Variants in RGS7 observed in about 807,000 individuals in gnomAD.
The protein encoded by RGS7 is regulator of G-protein signaling 7.
In RGS7, 27 loss-of-function variants were observed where a neutral mutation model predicts 81.1. The ratio of observed to expected loss-of-function variants is 0.33; its 90% CI spans 0.25 to 0.46. RGS7 has a LOEUF of 0.46. Ranked by LOEUF, RGS7 falls within the 20% of genes least tolerant of loss-of-function variation. The probability of loss-of-function intolerance (pLI) is 1.00; values close to 1 mark genes in which losing one functional copy is unlikely to be tolerated. For synonymous variants in RGS7, 208 were observed against 207.7 expected, an observed-to-expected ratio of 1.00 and a Z score of -0.01; for missense variants, 396 against 607.4, an observed-to-expected ratio of 0.65 and a Z score of 3.66.
At chr1:241,115,791 T>C (rs138621811) in intron 2 of RGS7, among the ~76,000 whole-genome samples, 2 of 152,262 alleles carry the variant, frequency 1.3e-5, no homozygotes, top group African/African-American at 4.8e-5. Context: ...ACTGAGTAAG[T>C]AGTCATATGA....
chr1:241,343,382 T>C lies in RGS7; in HGVS notation c.78+12317A>G, dbSNP rs1476518410. Among the ~76,000 whole-genome samples the C allele has an allele frequency of 2.6e-5, 4 of 152,352 alleles. No individual in the cohort carries two copies. The East Asian group carries it at 7.7e-4, about 29-fold the overall frequency. ...CAGATATTTGTATATCCATGTTCAC[T>C]GCACTATTATATACAATAGTCAAAG... is the stretch of plus-strand genomic sequence containing the variant. On this transcript the variant is annotated intron_variant, in intron 2 of 18. Transcript: ENST00000440928.
intron 16 of RGS7, among the ~76,000 whole-genome samples, chr1:240,802,541 A>C (rs908619074): frequency 6.6e-6 from 1 of 152,146 alleles, no homozygotes; most frequent in African/African-American, 2.4e-5. Flanking sequence ...TAGCTTACTA[A>C]ACAAAGAAAC....
At chr1:241,013,086 G>A (rs778600718) in intron 3 of RGS7, among the ~76,000 whole-genome samples, 10 of 132,844 alleles carry the variant, frequency 7.5e-5, no homozygotes, top group African/African-American at 2.7e-4. Context: ...TTTGTGAAAC[G>A]GAGTCCCACT....
intron 2 of RGS7, among the ~76,000 whole-genome samples, chr1:241,248,072 T>A (rs549212985): frequency 5.6e-4 from 85 of 152,288 alleles, no homozygotes; most frequent in Non-Finnish European, 1.1e-3. Flanking sequence ...TCCCTTTCTG[T>A]CACTTTTTGC....
chr1:241,328,584 T>C (rs1465166383), intron 2 of RGS7, among the ~76,000 whole-genome samples: 1 of 152,250 alleles, frequency 6.6e-6, no homozygotes. Context: ...TTTCACCTTC[T>C]GCCTGCTCAC....
At chr1:240,885,048 T>C (rs900778893) in intron 6 of RGS7, among the ~76,000 whole-genome samples, 1 of 152,086 alleles carries the variant, frequency 6.6e-6, no homozygotes, top group African/African-American at 2.4e-5. Context: ...GAACTTAAAT[T>C]TACAAGAGCA....
chr1:241,112,011 G>A (rs2065545637), intron 2 of RGS7, among the ~76,000 whole-genome samples: 2 of 152,064 alleles, frequency 1.3e-5, no homozygotes, highest in Non-Finnish European at 2.9e-5. Flanking sequence ...AAACACATAG[G>A]AGAGAAGTTT....
At chr1:240,947,922 G>C (rs1325218850) in intron 4 of RGS7, among the ~76,000 whole-genome samples, 1 of 152,018 alleles carries the variant, frequency 6.6e-6, no homozygotes, top group South Asian at 2.1e-4. Flanking sequence ...AGACCTCCTT[G>C]TTGCTCCTCA....
intron 2 of RGS7, among the ~76,000 whole-genome samples, chr1:241,333,127 A>G (rs1393145372): frequency 6.6e-6 from 1 of 152,236 alleles, no homozygotes; most frequent in African/African-American, 2.4e-5. Flanking sequence ...AGACTTCAAA[A>G]GCAGATCAAT....
At chr1:240,776,386 C>G (rs1682938005) in intron 18 of RGS7, among the ~76,000 whole-genome samples, 173 bp from the exon 19 acceptor site, 1 of 151,300 alleles carries the variant, frequency 6.6e-6, no homozygotes, top group Non-Finnish European at 1.5e-5. Context: ...CCCCCTCCCT[C>G]CCTCCACTGA....
At chr1:241,336,320 C>G (rs141442143) in intron 2 of RGS7, among the ~76,000 whole-genome samples, 1 of 152,122 alleles carries the variant, frequency 6.6e-6, no homozygotes, top group Non-Finnish European at 1.5e-5. Flanking sequence ...ATATGACCAC[C>G]TAGATCTTAC....
rs770504822 is a variant in RGS7 at position 241,103,010 on chromosome 1, C to CCAA, written c.79-4249_79-4248insTTG. Among the ~76,000 whole-genome samples the CCAA allele has an allele frequency of 3.1e-5, 4 of 127,074 alleles. No individual in the cohort carries two copies. In the Admixed American group the frequency reaches 3.2e-4, roughly 10 times the overall value. 83.4% of individuals were successfully genotyped at this position (127,074 alleles called of 152,430 possible). On this transcript the variant is annotated intron_variant, in intron 2 of 18. Transcript: ENST00000440928. The stretch of plus-strand genomic sequence containing the variant: ...TGAGAAGAAAAATGCTACAAGCAAG[C>CCAA]AAAAAAAAAAAAACAGAGCAAGTTA...
intron 2 of RGS7, among the ~76,000 whole-genome samples, chr1:241,146,571 A>C (rs1336137844): frequency 6.6e-6 from 1 of 152,220 alleles, no homozygotes; most frequent in East Asian, 1.9e-4. Flanking sequence ...CTTTCACAAG[A>C]GCTGACCTCT....
chr1:240,852,113 C>CA (rs1467940406), intron 9 of RGS7, among the ~76,000 whole-genome samples: 2 of 151,590 alleles, frequency 1.3e-5, no homozygotes, highest in Non-Finnish European at 2.9e-5. Flanking sequence ...AAATCTTTTG[C>CA]AAAAAAAAGA....
chr1:240,880,981 C>T (rs1280844340), intron 6 of RGS7, among the ~76,000 whole-genome samples: 1 of 152,006 alleles, frequency 6.6e-6, no homozygotes, highest in African/African-American at 2.4e-5. Context: ...CCAATTGTTA[C>T]TTGTAACATC....
intron 2 of RGS7, among the ~76,000 whole-genome samples, chr1:241,347,126 G>A (rs1338839607): frequency 6.6e-6 from 1 of 152,148 alleles, no homozygotes; most frequent in Admixed American, 6.5e-5. Flanking sequence ...GACAATGAAG[G>A]TCATGTAGAT....
chr1:241,306,505 C>A (rs999751016), intron 2 of RGS7, among the ~76,000 whole-genome samples: 2 of 151,538 alleles, frequency 1.3e-5, no homozygotes, highest in East Asian at 1.9e-4. Context: ...TACACAAACA[C>A]CCTCACATGG....
At chr1:240,909,328 T>C (rs1671346004) in intron 6 of RGS7, among the ~76,000 whole-genome samples, 2 of 152,236 alleles carry the variant, frequency 1.3e-5, no homozygotes, top group Admixed American at 6.5e-5. Flanking sequence ...AAAATATGTA[T>C]ACTTTACAGT....
intron 4 of RGS7, among the ~76,000 whole-genome samples, chr1:240,956,311 GA>G (rs34555599): frequency 1.1e-3 from 128 of 117,064 alleles, no homozygotes; most frequent in East Asian, 3.6e-3. Flanking sequence ...AACCATTTCA[GA>G]AAAAAAAAAA....
Sources: gnomAD v4.1 joint callset for allele counts (sites outside exome capture counted in the v4.1 genomes callset) on GRCh38, gnomAD v4.1.1 for gene constraint, MANE v1.5 for transcripts, NCBI Gene and HGNC (gene_info 2026-07-23, HGNC 2026-07-21) for gene names.